Variants in FAM240C observed in about 807,000 individuals in gnomAD.
The protein encoded by FAM240C is family with sequence similarity 240 member C.
Under a neutral mutation model 10.0 loss-of-function variants are expected in FAM240C, and 14 were observed. That is an observed-to-expected ratio of 1.40 (90% CI 0.92 to 2.19). The LOEUF is 2.19. FAM240C is among the 30% of genes most tolerant of loss of function. The pLI is 0.00. For missense variants in FAM240C, 154 were observed against 122.3 expected, an observed-to-expected ratio of 1.26 and a Z score of -1.22; for synonymous variants, 49 against 44.3, an observed-to-expected ratio of 1.11 and a Z score of -0.42.
Position 241,897,171 on chromosome 2 carries a change from C to T in FAM240C, c.161+15G>A, listed in dbSNP as rs1288844755. On this transcript the variant is annotated intron_variant, in intron 2 of 2. Transcript: ENST00000404031. Reference sequence around the variant, plus strand: ...AGGCATAGGGGTCCCCGATGCACTGCACACCCCGACTCACTTGTTCAGAGC... The same window carrying T: ...AGGCATAGGGGTCCCCGATGCACTGTACACCCCGACTCACTTGTTCAGAGC... 39 of 1,548,876 alleles carry T rather than the reference C, an allele frequency of 2.5e-5. No homozygotes were observed. Among genetic ancestry groups the T allele is most frequent in the South Asian group, 5.9e-5 (5 of 84,052 alleles).
chr2:241,895,940 C>T (rs947253656), intron 2 of FAM240C, among the ~76,000 whole-genome samples: 1 of 143,796 alleles, frequency 7.0e-6, no homozygotes, highest in African/African-American at 2.7e-5. Flanking sequence ...TGAGGCAGGG[C>T]CCGTGGGGCA....
At chr2:241,894,395 G>T in intron 2 of FAM240C, 56 bp from the exon 3 acceptor site, 8 of 1,505,094 alleles carry the variant, frequency 5.3e-6, no homozygotes, top group Non-Finnish European at 7.1e-6. Context: ...ACTTAGTGAC[G>T]GCCAAGCCCG....
At position 241,900,021 on chromosome 2, in the gene FAM240C, C is replaced by G. The variant is rs564856555; in HGVS notation, c.12+337G>C. 3.1e-4 allele frequency among the ~76,000 whole-genome samples: 47 copies of G among 152,262 alleles called. No individual in the cohort carries two copies. Among genetic ancestry groups the G allele is most frequent in the Admixed American group, 5.2e-4 (8 of 15,296 alleles). ...GGCGGAGGTTGCAGTGAGCCGCGATCATGCCACTGCACTCCAGCCTGGGCG... is the reference window on the plus strand; with the variant it reads ...GGCGGAGGTTGCAGTGAGCCGCGATGATGCCACTGCACTCCAGCCTGGGCG... On this transcript the variant is annotated intron_variant, in intron 1 of 2. Transcript: ENST00000404031. This position sits in a 1 kb window ranked among gnomAD's most constrained non-coding sequence, Gnocchi z 4.5.
At chr2:241,894,829 A>G (rs1250872718) in intron 2 of FAM240C, among the ~76,000 whole-genome samples, 1 of 151,782 alleles carries the variant, frequency 6.6e-6, no homozygotes, top group Non-Finnish European at 1.5e-5. Context: ...GTGGGTGCCC[A>G]CTTCCTTCTC....
chr2:241,894,254 C>T lies in FAM240C; in HGVS notation c.247G>A (p.Ala83Thr), dbSNP rs1258259777. 6.5e-7 allele frequency: 1 copy of T among 1,550,040 alleles called. No individual in the cohort carries two copies. The highest frequency in any genetic ancestry group is 2.4e-5 in the East Asian group (1 of 40,920). The change falls in exon 3 of 3, where the codon GCC becomes ACC. Residue 83 changes from alanine (A) to threonine (T), a missense_variant. By Grantham distance (58) the Ala-to-Thr change is moderately conservative. Transcript: ENST00000404031. ...TCCTTGGTGTGGAGGGACTCAGTGG[C>T]CTCCGGGACCCTGTCTGGGCATCTC... ...PGRCPDRVPE[A>T]TESLHTKDKK...
At chr2:241,897,362 C>T (rs1701876595) in intron 1 of FAM240C, 28 bp from the exon 2 acceptor site, 1 of 1,547,546 alleles carries the variant, frequency 6.5e-7, no homozygotes, top group African/African-American at 1.4e-5. Context: ...GAGAAGAGCT[C>T]AGTCACCTTA....
Position 241,897,180 on chromosome 2 carries a change from A to G in FAM240C, c.161+6T>C. The G allele has an allele frequency of 6.5e-7, 1 of 1,549,242 alleles. No homozygotes were observed. The highest frequency in any genetic ancestry group is 8.7e-7 in the Non-Finnish European group (1 of 1,146,284). ...GGTCCCCGATGCACTGCACACCCCGACTCACTTGTTCAGAGCGCTTCTGCG... is the reference window on the plus strand; with the variant it reads ...GGTCCCCGATGCACTGCACACCCCGGCTCACTTGTTCAGAGCGCTTCTGCG... On this transcript the variant is annotated splice_donor_region_variant and intron_variant, in intron 2 of 2. Coordinates refer to ENST00000404031, the MANE Select transcript of FAM240C (RefSeq NM_001382368.1).
intron 2 of FAM240C, among the ~76,000 whole-genome samples, chr2:241,896,782 GAAGGGGGTGTGGGTGT>G (rs1701831039): frequency 7.3e-5 from 2 of 27,216 alleles, no homozygotes; most frequent in South Asian, 1.9e-3. Flanking sequence ...GGGTGTGGGT[GAAGGGGGTGTGGGTGT>G]TGGGGTGTGG....
intron 1 of FAM240C, chr2:241,899,092 C>T (rs1701920616): frequency 7.7e-7 from 1 of 1,299,494 alleles, no homozygotes; most frequent in African/African-American, 1.5e-5. Flanking sequence ...GACCCGCGGG[C>T]TCGTTTCCTG....
upstream of FAM240C, chr2:241,902,385 C>CTGCCA (rs1702006062): frequency 7.0e-6 from 1 of 143,128 alleles, no homozygotes; most frequent in African/African-American, 2.6e-5. The surrounding 1 kb of genome is among the most constrained non-coding windows in gnomAD (Gnocchi z 7.1). Flanking sequence ...TCCCCTCCGC[C>CTGCCA]GCCGCCTCCC....
At chr2:241,900,919 C>A (rs1701968354), upstream of FAM240C, among the ~76,000 whole-genome samples, 1 of 152,136 alleles carries the variant, frequency 6.6e-6, no homozygotes, top group South Asian at 2.1e-4. This position sits in a 1 kb window ranked among gnomAD's most constrained non-coding sequence, Gnocchi z 4.5. Context: ...GTGACAGGCG[C>A]TGAGAGGTCT....
intron 1 of FAM240C, chr2:241,899,011 A>T: frequency 1.3e-6 from 1 of 796,510 alleles, no homozygotes; most frequent in Non-Finnish European, 1.9e-6. Context: ...CCCGCCCCCC[A>T]CTCTTCTCTC....
chr2:241,899,921 G>C (rs1241067371), intron 1 of FAM240C, among the ~76,000 whole-genome samples: 1 of 152,128 alleles, frequency 6.6e-6, no homozygotes, highest in East Asian at 1.9e-4. Flanking sequence ...CAAAAAATTA[G>C]CCGGGCGTCG....
At position 241,894,163 on chromosome 2, in the gene FAM240C, T is replaced by C. The variant is rs773447816; in HGVS notation, c.*50A>G. On this transcript the variant is annotated 3_prime_UTR_variant, in exon 3 of 3. Transcript: ENST00000404031. ...GCTTGGACCCCACGCGTGGTGTTCCTTCTCCATGACCCTCCGGAAGCTCAT... is the reference window on the plus strand; with the variant it reads ...GCTTGGACCCCACGCGTGGTGTTCCCTCTCCATGACCCTCCGGAAGCTCAT... 6.6e-7 allele frequency: 1 copy of C among 1,522,550 alleles called. No individual in the cohort carries two copies. The highest frequency in any genetic ancestry group is 8.9e-7 in the Non-Finnish European group (1 of 1,126,346). The allele number at this position is 1,522,550 out of a possible 1,614,324, so 94.3% of individuals were successfully genotyped here. A position where few individuals can be genotyped will look rare whatever the true frequency, so the allele number is the denominator to read the frequency against.
chr2:241,899,153 T>G (rs1253579441), intron 1 of FAM240C: 5 of 1,304,068 alleles, frequency 3.8e-6, no homozygotes. Flanking sequence ...CTTCTGGAGC[T>G]CGGCTCAGGT....
intron 2 of FAM240C, 45 bp from the exon 3 acceptor site, chr2:241,894,384 A>G (rs28559662): frequency 0.24 from 359,085 of 1,516,156 alleles, 50,291 homozygotes; most frequent in East Asian, 0.63. Context: ...AAGCTCTCGG[A>G]ACTTAGTGAC....
intron 1 of FAM240C, among the ~76,000 whole-genome samples, chr2:241,897,535 T>C (rs991778321): frequency 1.3e-5 from 2 of 152,150 alleles, no homozygotes; most frequent in African/African-American, 4.8e-5. Flanking sequence ...CTAAACGCTC[T>C]ACCGGCTCCA....
chr2:241,902,230 G>A (rs1216765941), upstream of FAM240C, among the ~76,000 whole-genome samples: 1 of 135,436 alleles, frequency 7.4e-6, no homozygotes, highest in Non-Finnish European at 1.6e-5. This position sits in a 1 kb window ranked among gnomAD's most constrained non-coding sequence, Gnocchi z 7.1. Context: ...TCCTGCACCC[G>A]CCACCCCCAC....
chr2:241,897,442 C>G (rs773756687), intron 1 of FAM240C, 108 bp from the exon 2 acceptor site: 1 of 1,335,776 alleles, frequency 7.5e-7, no homozygotes, highest in Non-Finnish European at 1.0e-6. Flanking sequence ...CCTGCAGCAT[C>G]GTGGTCCCCG....
Sources: allele counts gnomAD v4.1 joint callset (sites outside exome capture counted in the v4.1 genomes callset), GRCh38; gene constraint gnomAD v4.1.1; non-coding constraint Gnocchi (gnomAD v3.1); transcripts MANE v1.5; gene names NCBI Gene and HGNC (gene_info 2026-07-23, HGNC 2026-07-21).